YBX1: variants seen among roughly 807,000 people sequenced by gnomAD.
The protein encoded by YBX1 is Y-box-binding protein 1.
Under a neutral mutation model 41.4 loss-of-function variants are expected in YBX1, and 3 were observed. The observed-to-expected ratio is 0.07, with a 90% CI of 0.03 to 0.19. The LOEUF (loss-of-function observed/expected upper bound fraction) is 0.19, where lower values mean the gene tolerates loss of function less well. Ranked by LOEUF, YBX1 falls within the 10% of genes least tolerant of loss-of-function variation. The pLI, the probability that YBX1 is intolerant of heterozygous loss-of-function variation, is 1.00. For synonymous variants in YBX1, 133 were observed against 165.8 expected, an observed-to-expected ratio of 0.80 and a Z score of 1.52; for missense variants, 274 against 462.8, an observed-to-expected ratio of 0.59 and a Z score of 3.74.
Position 42,696,931 on chromosome 1 carries a change from G to A in YBX1, c.644G>A (p.Gly215Glu). 6.4e-7 allele frequency: 1 copy of A among 1,557,820 alleles called. No individual in the cohort carries two copies. Among genetic ancestry groups the A allele is most frequent in the Non-Finnish European group, 8.7e-7 (1 of 1,150,752 alleles). ...RPQYSNPPVQ[G>E]EVMEGADNQG... The stretch of plus-strand genomic sequence containing the variant: ...CAGTATTCCAACCCTCCTGTGCAGG[G>A]AGAAGTGATGGAGGTAAGTTTCACC... Residue 215 changes from glycine to glutamate, a missense_variant, in exon 5 of 8, where the codon GGA (glycine) becomes GAA (glutamate). Around this residue, in one of 3 missense-constraint regions of YBX1, gnomAD observed 187 missense variants for 306.3 expected, o/e 0.61. Transcript: ENST00000321358. This position sits in a 1 kb window ranked among gnomAD's most constrained non-coding sequence, Gnocchi z 5.7.
chr1:42,689,070 A>G (rs1650266994), intron 2 of YBX1, among the ~76,000 whole-genome samples: 1 of 152,198 alleles, frequency 6.6e-6, no homozygotes, highest in Non-Finnish European at 1.5e-5. Context: ...CCTCATAGAT[A>G]CTGAGTTATT....
Position 42,693,471 on chromosome 1 carries a change from A to C in YBX1, c.231-19A>C, listed in dbSNP as rs758634267. On this transcript the variant is annotated intron_variant, in intron 2 of 7. Coordinates refer to ENST00000321358, the MANE Select transcript of YBX1 (RefSeq NM_004559.5). ...TTTATTTCATTTTCTAACTTGTTCA[A>C]CTTGGTTCTGTCTTGCAGGAATGAC... 2 of 1,613,198 alleles carry C rather than the reference A, an allele frequency of 1.2e-6. No homozygotes were observed. Among genetic ancestry groups the C allele is most frequent in the Admixed American group, 1.7e-5 (1 of 59,942 alleles).
intron 6 of YBX1, among the ~76,000 whole-genome samples, chr1:42,699,419 C>CT (rs1650540560): frequency 6.6e-6 from 1 of 152,034 alleles, no homozygotes; most frequent in Non-Finnish European, 1.5e-5. Flanking sequence ...CAGCTTGACT[C>CT]TGTGTTTCTA....
At position 42,683,394 on chromosome 1, in the gene YBX1, C is replaced by G. The variant is rs768515535; in HGVS notation, c.167-9C>G. On this transcript the variant is annotated splice_polypyrimidine_tract_variant and intron_variant, in intron 1 of 7. Transcript: ENST00000321358. ...ATCGTGGCTTGTTTTGCTTTGTTTTCTTTTCCAGCAACGAAGGTTTTGGGA... is the reference window on the plus strand; with the variant it reads ...ATCGTGGCTTGTTTTGCTTTGTTTTGTTTTCCAGCAACGAAGGTTTTGGGA... The G allele has an allele frequency of 4.3e-6, 7 of 1,613,242 alleles. No individual in the cohort carries two copies. The highest frequency in any genetic ancestry group is 2.2e-5 in the East Asian group (1 of 44,820).
intron 2 of YBX1, 124 bp downstream of exon 2, chr1:42,683,590 T>G (rs1429239659): frequency 1.0e-6 from 1 of 987,322 alleles, no homozygotes; most frequent in African/African-American, 1.6e-5. Flanking sequence ...CTACCTCTGG[T>G]GTATTAGTAT....
chr1:42,684,330 C>T (rs1273872491), intron 2 of YBX1, among the ~76,000 whole-genome samples: 1 of 152,242 alleles, frequency 6.6e-6, no homozygotes, highest in Non-Finnish European at 1.5e-5. Context: ...TTCAAGATGG[C>T]TGCCAAGGCT....
At chr1:42,699,011 A>G (rs1650529167) in intron 6 of YBX1, among the ~76,000 whole-genome samples, 1 of 152,216 alleles carries the variant, frequency 6.6e-6, no homozygotes. Context: ...TGTTGCTGAA[A>G]ATGAGACTAA....
intron 1 of YBX1, chr1:42,683,083 T>G: frequency 1.9e-6 from 1 of 517,734 alleles, no homozygotes. Flanking sequence ...CCCTTCCGCG[T>G]GTGCTCGGAG....
chr1:42,686,484 A>G (rs1255105129), intron 2 of YBX1, among the ~76,000 whole-genome samples: 3 of 152,210 alleles, frequency 2.0e-5, no homozygotes, highest in South Asian at 2.1e-4. Flanking sequence ...TAGGTGGGGT[A>G]TACTTTTTTT....
chr1:42,701,529 T>G (rs1276657252), intron 7 of YBX1, among the ~76,000 whole-genome samples: 1 of 117,732 alleles, frequency 8.5e-6, no homozygotes, highest in Admixed American at 8.8e-5. Context: ...TTTCTAATTG[T>G]TTTTTTTTTT....
intron 2 of YBX1, among the ~76,000 whole-genome samples, chr1:42,686,359 G>A (rs1485151186): frequency 6.6e-6 from 1 of 152,158 alleles, no homozygotes; most frequent in Non-Finnish European, 1.5e-5. Flanking sequence ...TATAATTCAG[G>A]AGATAACACC....
Position 42,703,302 on chromosome 1 carries a change from C to T in YBX1, c.*1353C>T, listed in dbSNP as rs1650651090. On this transcript the variant is annotated 3_prime_UTR_variant, in exon 8 of 8. Transcript: ENST00000321358. ...GAAATAGTCATGTAGTTGATAGTGA[C>T]TGCTGCCCCGAAACACTCCAGATCA... Among the ~76,000 whole-genome samples the T allele has an allele frequency of 6.6e-6, 1 of 152,078 alleles. No homozygotes were observed. Among genetic ancestry groups the T allele is most frequent in the Non-Finnish European group, 1.5e-5 (1 of 68,028 alleles).
chr1:42,688,666 C>G (rs766314609), intron 2 of YBX1, among the ~76,000 whole-genome samples: 1 of 152,148 alleles, frequency 6.6e-6, no homozygotes, highest in Non-Finnish European at 1.5e-5. Context: ...TAGTGCAATA[C>G]TGTAAGTCTT....
In YBX1 at chr1:42,693,538, A is replaced by G; in HGVS notation, c.264+15A>G. 6.2e-7 allele frequency: 1 copy of G among 1,613,112 alleles called. No homozygotes were observed. The highest frequency in any genetic ancestry group is 2.2e-5 in the East Asian group (1 of 44,836). On this transcript the variant is annotated intron_variant, in intron 3 of 7. Coordinates refer to ENST00000321358, the MANE Select transcript of YBX1 (RefSeq NM_004559.5). ...TTGTACACCAGGTGAGTGCTTGTGTAGATATTTGCACTTCTGATTCAAGGA... is the reference window on the plus strand; with the variant it reads ...TTGTACACCAGGTGAGTGCTTGTGTGGATATTTGCACTTCTGATTCAAGGA...
intron 2 of YBX1, among the ~76,000 whole-genome samples, chr1:42,684,029 G>A (rs775954803): frequency 2.2e-4 from 33 of 152,134 alleles, no homozygotes; most frequent in Non-Finnish European, 4.0e-4. Context: ...TGCTCATCCA[G>A]TAAATAATAT....
chr1:42,684,211 G>T (rs972420308), intron 2 of YBX1, among the ~76,000 whole-genome samples: 4 of 152,254 alleles, frequency 2.6e-5, no homozygotes, highest in African/African-American at 7.2e-5. Context: ...AGGCAAAGCT[G>T]CAGACACGTC....
intron 2 of YBX1, among the ~76,000 whole-genome samples, chr1:42,689,392 T>G (rs1650274837): frequency 6.6e-6 from 1 of 152,224 alleles, no homozygotes; most frequent in Non-Finnish European, 1.5e-5. Context: ...TGTAAATTAG[T>G]GTATGCAGTT....
chr1:42,696,569 C>A lies in YBX1; in HGVS notation c.355-73C>A. On this transcript the variant is annotated intron_variant, in intron 4 of 7. Transcript: ENST00000321358. This position sits in a 1 kb window ranked among gnomAD's most constrained non-coding sequence, Gnocchi z 5.7. ...GTTTTTTGCTTTGTTTGAAAATGTT[C>A]TGATTTCCTTTTGAAAGTGTTGAAA... 1 of 557,308 alleles carries A rather than the reference C, an allele frequency of 1.8e-6. No individual in the cohort carries two copies. Among genetic ancestry groups the A allele is most frequent in the Non-Finnish European group, 2.5e-6 (1 of 403,760 alleles). 34.5% of individuals were successfully genotyped at this position (557,308 alleles called of 1,614,324 possible).
rs1212887910 is a variant in YBX1, at chr1:42,697,278, A to G, written c.740+16A>G. On this transcript the variant is annotated intron_variant, in intron 6 of 7. Transcript: ENST00000321358. ...GATTCCGCAGGTATGGTCCACGTAA[A>G]CATGTTTCTATTAAAATTTCCTCAA... The G allele has an allele frequency of 2.5e-6, 4 of 1,608,830 alleles. No individual in the cohort carries two copies. In the East Asian group the frequency reaches 6.7e-5, roughly 27 times the overall value.
Sources: gnomAD v4.1 joint callset for allele counts (sites outside exome capture counted in the v4.1 genomes callset) on GRCh38, gnomAD v4.1.1 for gene constraint, gnomAD v4.1.1 regional missense constraint, Gnocchi (gnomAD v3.1) non-coding constraint, MANE v1.5 for transcripts, NCBI Gene and HGNC (gene_info 2026-07-23, HGNC 2026-07-21) for gene names.